Variants in FRG1 observed in about 807,000 individuals in gnomAD.
FRG1 encodes FSHD region gene 1.
In FRG1, 19 loss-of-function variants were observed where a neutral mutation model predicts 37.0. The ratio of observed to expected loss-of-function variants is 0.51; its 90% CI spans 0.36 to 0.75. The LOEUF (loss-of-function observed/expected upper bound fraction) is 0.75, where lower values mean the gene tolerates loss of function less well. Ranked by LOEUF, FRG1 falls within the 30% of genes least tolerant of loss-of-function variation. FRG1 has a pLI of 0.00. For synonymous variants in FRG1, 73 were observed against 96.5 expected (o/e 0.76, Z 1.43); for missense variants, 243 against 301.4 (o/e 0.81, Z 1.44).
At chr4:189,957,258 G>A (rs201770204) in intron 5 of FRG1, 140 bp from the exon 6 acceptor site, 1 of 1,156,982 alleles carries the variant, frequency 8.6e-7, no homozygotes, top group Admixed American at 2.8e-5. Context: ...ATATGTTCTT[G>A]TATTATATTT....
chr4:189,946,049 T>C (rs967533867), intron 2 of FRG1, among the ~76,000 whole-genome samples: 4 of 152,214 alleles, frequency 2.6e-5, no homozygotes, highest in African/African-American at 9.6e-5. Context: ...TTCAGAATAT[T>C]CCTTTAATAT....
chr4:189,959,747 C>T (rs62345303), intron 6 of FRG1: 11 of 292,400 alleles, frequency 3.8e-5, no homozygotes, highest in South Asian at 1.3e-4. Context: ...AATTTTCAGA[C>T]GAAATACAAA....
chr4:189,958,359 C>T (rs62345297), intron 6 of FRG1, among the ~76,000 whole-genome samples: 2 of 152,096 alleles, frequency 1.3e-5, no homozygotes, highest in Admixed American at 6.6e-5. Flanking sequence ...TTTGTATTTA[C>T]GTAATGCTTG....
At chr4:189,951,034 A>G (rs1561069123) in intron 2 of FRG1, among the ~76,000 whole-genome samples, 1 of 152,194 alleles carries the variant, frequency 6.6e-6, no homozygotes, top group Non-Finnish European at 1.5e-5. Context: ...CTAAAGTACA[A>G]TTTAGGAGGA....
chr4:189,940,902 G>A lies in FRG1; in HGVS notation c.-108G>A. The A allele has an allele frequency of 1.3e-6, 1 of 770,154 alleles. No individual in the cohort carries two copies. The highest frequency in any genetic ancestry group is 1.8e-5 in the African/African-American group (1 of 55,836). The allele number at this position is 770,154 out of a possible 1,614,324, so 47.7% of individuals were successfully genotyped here. ...CTACAGAGACGTAGGCTGTCAGGGA[G>A]TGTTTATTTCGCGTCCGCTTCTGTT... On this transcript the variant is annotated 5_prime_UTR_variant, in exon 1 of 9. In the 5' UTR this introduces an upstream ATG that the reference lacks. Coordinates refer to ENST00000226798, the MANE Select transcript of FRG1 (RefSeq NM_004477.3).
At chr4:189,956,205 T>C (rs1442127893) in intron 5 of FRG1, among the ~76,000 whole-genome samples, 1 of 152,314 alleles carries the variant, frequency 6.6e-6, no homozygotes, top group Non-Finnish European at 1.5e-5. Context: ...TCTGTGAGTC[T>C]GTGTGTATTC....
intron 4 of FRG1, among the ~76,000 whole-genome samples, chr4:189,953,918 A>C (rs1421760885): frequency 3.9e-5 from 6 of 152,218 alleles, no homozygotes; most frequent in African/African-American, 7.2e-5. Flanking sequence ...AAAGAAAATT[A>C]ACTGACAAAT....
chr4:189,945,215 T>C lies in FRG1; in HGVS notation c.133+1943T>C, dbSNP rs1055626195. On this transcript the variant is annotated intron_variant, in intron 2 of 8. Coordinates refer to ENST00000226798, the MANE Select transcript of FRG1 (RefSeq NM_004477.3). ...ATTATGTTTCCTGTGACTATCGTTT[T>C]ACTTCTTTCTTTCTAATCCTTTTGT... is the stretch of plus-strand genomic sequence containing the variant. 1.3e-4 allele frequency among the ~76,000 whole-genome samples: 20 copies of C among 152,360 alleles called. 2 individuals are homozygous for C. The highest frequency in any genetic ancestry group is 4.6e-4 in the African/African-American group (19 of 41,604).
At chr4:189,941,183 C>T (rs572139946) in intron 1 of FRG1, 112 bp downstream of exon 1, 2 of 968,834 alleles carry the variant, frequency 2.1e-6, no homozygotes, top group African/African-American at 1.6e-5. Flanking sequence ...GCCTCCCAGG[C>T]TTCGCCCTGG....
chr4:189,956,833 A>G (rs937916909), intron 5 of FRG1, among the ~76,000 whole-genome samples: 5 of 152,240 alleles, frequency 3.3e-5, no homozygotes, highest in Non-Finnish European at 7.4e-5. Flanking sequence ...TAGATACACA[A>G]GAAAATCAGT....
At chr4:189,950,254 T>C (rs1189535935) in intron 2 of FRG1, among the ~76,000 whole-genome samples, 1 of 152,244 alleles carries the variant, frequency 6.6e-6, no homozygotes, top group Non-Finnish European at 1.5e-5. Flanking sequence ...GAGTTCTCTA[T>C]ATAGTCTGGA....
chr4:189,943,429 C>G (rs1349689530), intron 2 of FRG1, among the ~76,000 whole-genome samples, 157 bp downstream of exon 2: 1 of 152,172 alleles, frequency 6.6e-6, no homozygotes, highest in Admixed American at 6.5e-5. Context: ...TTCTTTAACA[C>G]AGTAGATGCT....
At chr4:189,942,504 T>C (rs776691334) in intron 1 of FRG1, among the ~76,000 whole-genome samples, 1 of 152,192 alleles carries the variant, frequency 6.6e-6, no homozygotes, top group Non-Finnish European at 1.5e-5. Flanking sequence ...CTTTCACTTA[T>C]AACATTATTG....
At position 189,943,221 on chromosome 4, in the gene FRG1, G is replaced by A. The variant is rs752310886; in HGVS notation, c.82G>A (p.Asp28Asn). ...CTGTAGTAAGAAGAAAAAGAGCAAA[G>A]ATAAGAAAAGAAAAAGAGAAGAAGA... The part of the protein sequence containing the change: ...KTKSKKKKSK[D>N]KKRKREEDEE... Residue 28 changes from aspartate to asparagine, a missense_variant, in exon 2 of 9, where the codon GAT (aspartate) becomes AAT (asparagine). Around this residue, in one of 2 missense-constraint regions of FRG1, gnomAD observed 110 missense variants for 102.2 expected, o/e 1.08. Coordinates refer to ENST00000226798, the MANE Select transcript of FRG1 (RefSeq NM_004477.3). The A allele has an allele frequency of 3.1e-6, 5 of 1,601,758 alleles. No homozygotes were observed. In the Admixed American group the frequency reaches 6.7e-5, roughly 22 times the overall value.
In FRG1 at chr4:189,962,704, CAAG is replaced by C. The variant is rs561135225; in HGVS notation, c.741-384_741-382del. Among the ~76,000 whole-genome samples, 521 of 152,178 alleles carry C rather than the reference CAAG, an allele frequency of 3.4e-3. 7 individuals are homozygous for C. The highest frequency in any genetic ancestry group is 0.012 in the African/African-American group (488 of 41,528). Reference sequence around the variant, plus strand: ...GAATATGTATCTCATTGTAAGAAATCAAGAAGAGGATATAAAATATAATCAGGA... The same window carrying C: ...GAATATGTATCTCATTGTAAGAAATCAAGAGGATATAAAATATAATCAGGA... On this transcript the variant is annotated intron_variant, in intron 8 of 8. Coordinates refer to ENST00000226798, the MANE Select transcript of FRG1 (RefSeq NM_004477.3).
At chr4:189,946,987 G>A (rs1736556238) in intron 2 of FRG1, among the ~76,000 whole-genome samples, 1 of 152,244 alleles carries the variant, frequency 6.6e-6, no homozygotes, top group South Asian at 2.1e-4. Flanking sequence ...GGAGTAACTG[G>A]AATTACAGGC....
At chr4:189,951,257 A>T (rs961547647) in intron 2 of FRG1, among the ~76,000 whole-genome samples, 1 of 152,098 alleles carries the variant, frequency 6.6e-6, no homozygotes, top group Non-Finnish European at 1.5e-5. Flanking sequence ...TGGGAGGCAG[A>T]GGCGGGTGGA....
At chr4:189,941,736 G>C (rs1023072107) in intron 1 of FRG1, 4 of 287,468 alleles carry the variant, frequency 1.4e-5, no homozygotes, top group African/African-American at 9.1e-5. Context: ...AAAATAAATT[G>C]AGCCAAATGT....
At chr4:189,948,105 T>C (rs1579623667) in intron 2 of FRG1, among the ~76,000 whole-genome samples, 1 of 152,236 alleles carries the variant, frequency 6.6e-6, no homozygotes, top group Admixed American at 6.5e-5. Context: ...TTTTTCTCTT[T>C]GTCCTTCCAC....
Sources: gnomAD v4.1 joint callset for allele counts (sites outside exome capture counted in the v4.1 genomes callset) on GRCh38, gnomAD v4.1.1 for gene constraint, gnomAD v4.1.1 regional missense constraint, MANE v1.5 for transcripts, NCBI Gene and HGNC (gene_info 2026-07-23, HGNC 2026-07-21) for gene names.